The following MAGI2 variants were observed in gnomAD, a reference collection of about 807,000 sequenced individuals.
MAGI2 encodes the protein membrane associated guanylate kinase, WW and PDZ domain containing 2, also known as membrane-associated guanylate kinase, WW and PDZ domain-containing protein 2.
In MAGI2, 35 loss-of-function variants were observed where a neutral mutation model predicts 133.3. The observed-to-expected ratio is 0.26, with a 90% CI of 0.20 to 0.35. MAGI2 has a LOEUF of 0.35. MAGI2 is among the 10% of genes least tolerant of loss of function. MAGI2 has a pLI of 1.00. For synonymous variants in MAGI2, 729 were observed against 710.6 expected, an observed-to-expected ratio of 1.03 and a Z score of -0.41; for missense variants, 1,636 against 1,863.4, an observed-to-expected ratio of 0.88 and a Z score of 2.25.
chr7:78,897,144 C>T (rs1797274633), intron 2 of MAGI2, among the ~76,000 whole-genome samples: 1 of 152,146 alleles, frequency 6.6e-6, no homozygotes, highest in Non-Finnish European at 1.5e-5. Flanking sequence ...TAGAAAAGTT[C>T]ACCTTAAACA....
chr7:78,495,743 C>T (rs1794030424), intron 5 of MAGI2, among the ~76,000 whole-genome samples: 1 of 152,106 alleles, frequency 6.6e-6, no homozygotes, highest in South Asian at 2.1e-4. Flanking sequence ...TTTTATCTTT[C>T]ATGTGTTTAG....
intron 2 of MAGI2, among the ~76,000 whole-genome samples, chr7:78,887,033 G>A (rs1473142225): frequency 6.6e-6 from 1 of 152,094 alleles, no homozygotes; most frequent in Non-Finnish European, 1.5e-5. Context: ...GAACATGTTT[G>A]TTTCCCCTTC....
intron 16 of MAGI2, among the ~76,000 whole-genome samples, chr7:78,139,831 C>G (rs1460583967): frequency 6.6e-6 from 1 of 152,170 alleles, no homozygotes; most frequent in Non-Finnish European, 1.5e-5. Context: ...CCCAGCTTTT[C>G]TATGTCTTTA....
chr7:78,069,036 C>A (rs1814157446), intron 21 of MAGI2, among the ~76,000 whole-genome samples: 1 of 152,142 alleles, frequency 6.6e-6, no homozygotes, highest in Non-Finnish European at 1.5e-5. Flanking sequence ...GCCAGACTCT[C>A]CGTAATGAGG....
chr7:79,103,649 C>T (rs114449621), intron 1 of MAGI2, among the ~76,000 whole-genome samples: 1 of 151,900 alleles, frequency 6.6e-6, no homozygotes, highest in East Asian at 1.9e-4. Flanking sequence ...AGAGGCACAC[C>T]AGGACTTTCT....
intron 2 of MAGI2, among the ~76,000 whole-genome samples, chr7:78,991,300 A>C (rs1162900112): frequency 4.7e-5 from 7 of 148,780 alleles, no homozygotes; most frequent in Non-Finnish European, 3.0e-5. Context: ...GTGAGAATGG[A>C]CTAATAGACA....
intron 2 of MAGI2, among the ~76,000 whole-genome samples, chr7:78,920,092 T>C (rs1382339677): frequency 6.6e-6 from 1 of 152,134 alleles, no homozygotes; most frequent in Non-Finnish European, 1.5e-5. Context: ...CTAAAATTTT[T>C]ACTAAGCCTC....
intron 16 of MAGI2, 95 bp downstream of exon 16, chr7:78,159,930 T>C (rs2150607010): frequency 6.9e-7 from 1 of 1,459,658 alleles, no homozygotes; most frequent in Non-Finnish European, 9.1e-7. Flanking sequence ...AGTATGTCCG[T>C]GACAGTCTTC....
intron 4 of MAGI2, chr7:78,518,759 G>C (rs1796249718): frequency 6.6e-6 from 1 of 152,058 alleles, no homozygotes; most frequent in South Asian, 2.1e-4. Context: ...CTTAGACGAG[G>C]TCTCACTCTG....
At position 79,424,260 on chromosome 7, in the gene MAGI2, C is replaced by CTT. The variant is rs11377165; in HGVS notation, c.301+28758_301+28759dup. 9.9e-3 allele frequency among the ~76,000 whole-genome samples: 1,464 copies of CTT among 147,184 alleles called. 18 individuals are homozygous for CTT. Among genetic ancestry groups the CTT allele is most frequent in the African/African-American group, 0.035 (1,399 of 40,498 alleles). Reference sequence around the variant, plus strand: ...GTTGCAAATGGCAGATTTTTCTTTTCTTTTTTTTTTTAATTTGATGCCTAA... The same window carrying CTT: ...GTTGCAAATGGCAGATTTTTCTTTTCTTTTTTTTTTTTTAATTTGATGCCTAA... On this transcript the variant is annotated intron_variant, in intron 1 of 21. Coordinates refer to ENST00000354212, the MANE Select transcript of MAGI2 (RefSeq NM_012301.4).
chr7:79,379,321 A>G (rs1585768968), intron 1 of MAGI2, among the ~76,000 whole-genome samples: 1 of 152,040 alleles, frequency 6.6e-6, no homozygotes, highest in South Asian at 2.1e-4. Flanking sequence ...ATAGTATTCC[A>G]TGATGTATAT....
At chr7:79,387,985 A>G (rs1307831829) in intron 1 of MAGI2, among the ~76,000 whole-genome samples, 3 of 152,126 alleles carry the variant, frequency 2.0e-5, no homozygotes, top group East Asian at 1.9e-4. Context: ...CATTTTGTAG[A>G]TAGTAAATAA....
chr7:78,620,000 A>G (rs887997823), intron 3 of MAGI2, among the ~76,000 whole-genome samples: 2 of 151,864 alleles, frequency 1.3e-5, no homozygotes, highest in Non-Finnish European at 2.9e-5. Flanking sequence ...AAACAGCTGG[A>G]CCCTTTTAAC....
intron 9 of MAGI2, among the ~76,000 whole-genome samples, chr7:78,268,753 G>A (rs1156760555): frequency 6.6e-6 from 1 of 152,048 alleles, no homozygotes; most frequent in African/African-American, 2.4e-5. Context: ...ACATTTGACT[G>A]CTTGAACTGA....
chr7:78,846,751 T>C (rs772901909), intron 2 of MAGI2, among the ~76,000 whole-genome samples: 3 of 152,042 alleles, frequency 2.0e-5, no homozygotes, highest in Non-Finnish European at 4.4e-5. Flanking sequence ...CTCAGCATTT[T>C]TCTCCAGAGT....
intron 21 of MAGI2, among the ~76,000 whole-genome samples, chr7:78,062,814 G>A (rs3807761): frequency 0.15 from 22,588 of 152,166 alleles, 1,954 homozygotes; most frequent in Non-Finnish European, 0.2. Context: ...AGCTCAGTAA[G>A]TCCAAAATTC....
intron 1 of MAGI2, among the ~76,000 whole-genome samples, chr7:79,011,880 CCTTT>C (rs202034643): frequency 0.18 from 15,512 of 85,390 alleles, 1,390 homozygotes; most frequent in African/African-American, 0.23. Flanking sequence ...TTCCTTCCTT[CCTTT>C]CTTCCTTCCT....
chr7:78,636,440 G>A (rs1809653931), intron 2 of MAGI2, among the ~76,000 whole-genome samples: 1 of 142,928 alleles, frequency 7.0e-6, no homozygotes, highest in African/African-American at 2.6e-5. Context: ...ATCAATTACT[G>A]TTTTAAATTT....
chr7:78,256,508 C>G lies in MAGI2; in HGVS notation c.1482G>C (p.Gln494His). 2 of 1,613,858 alleles carry G rather than the reference C, an allele frequency of 1.2e-6. No individual in the cohort carries two copies. The highest frequency in any genetic ancestry group is 1.7e-6 in the Non-Finnish European group (2 of 1,179,946). The change falls in exon 10 of 22, where the codon CAG becomes CAC. Residue 494 changes from glutamine (Q) to histidine (H), a missense_variant. By Grantham distance (24) the Gln-to-His change is conservative. This residue lies in a region of MAGI2 where 920 missense variants were observed against 1,093.5 expected (regional missense o/e 0.84). Coordinates refer to ENST00000354212, the MANE Select transcript of MAGI2 (RefSeq NM_012301.4). ...HTHADVVKLF[Q>H]SVPIGQSVNL... ...TGACACTCTGACCAATAGGAACAGA[C>G]TGGAAAAGTTTGACAACATCTGCAT...
Sources: gnomAD v4.1 joint callset for allele counts (sites outside exome capture counted in the v4.1 genomes callset) on GRCh38, gnomAD v4.1.1 for gene constraint, gnomAD v4.1.1 regional missense constraint, MANE v1.5 for transcripts, NCBI Gene and HGNC (gene_info 2026-07-23, HGNC 2026-07-21) for gene names.